Variants in FER observed in about 807,000 individuals in gnomAD.
FER encodes tyrosine-protein kinase Fer.
A neutral mutation model predicts 111.0 loss-of-function variants in FER; 63 were observed. The observed-to-expected ratio is 0.57, with a 90% CI of 0.46 to 0.70. FER has a LOEUF of 0.70. FER is among the 30% of genes least tolerant of loss of function. The pLI, the probability that FER is intolerant of heterozygous loss-of-function variation, is 0.00. For missense variants in FER, 914 were observed against 954.0 expected, an observed-to-expected ratio of 0.96 and a Z score of 0.55; for synonymous variants, 327 against 313.9, an observed-to-expected ratio of 1.04 and a Z score of -0.44.
chr5:108,991,592 A>T (rs1313970346), intron 13 of FER, among the ~76,000 whole-genome samples: 2 of 152,134 alleles, frequency 1.3e-5, no homozygotes, highest in Admixed American at 1.3e-4. Flanking sequence ...TTTGTGCAGA[A>T]TTTATAATCA....
intron 13 of FER, among the ~76,000 whole-genome samples, chr5:109,035,384 A>G (rs1011155969): frequency 1.3e-5 from 2 of 152,168 alleles, no homozygotes; most frequent in African/African-American, 4.8e-5. Context: ...ATGTAAATGG[A>G]ATTAGTATCT....
At chr5:108,964,271 A>G (rs1352260194) in intron 13 of FER, among the ~76,000 whole-genome samples, 4 of 152,150 alleles carry the variant, frequency 2.6e-5, no homozygotes, top group African/African-American at 9.7e-5. Context: ...GTGTGTGTGT[A>G]TGTGCATAGA....
Position 108,908,106 on chromosome 5 carries a change from A to C in FER, c.1236+10258A>C, listed in dbSNP as rs1001026416. Among the ~76,000 whole-genome samples, 7 of 152,236 alleles carry C rather than the reference A, an allele frequency of 4.6e-5. No individual in the cohort carries two copies. In the East Asian group the frequency reaches 1.4e-3, roughly 29 times the overall value. ...CATTTTTAGATTAACTGTTTACCTG[A>C]TAGAGGTAGTATTACCTGGCGTTCG... On this transcript the variant is annotated intron_variant, in intron 10 of 19. Coordinates refer to ENST00000281092, the MANE Select transcript of FER (RefSeq NM_005246.4).
intron 17 of FER, among the ~76,000 whole-genome samples, chr5:109,170,807 C>T (rs1188027578): frequency 6.6e-6 from 1 of 152,092 alleles, no homozygotes; most frequent in Non-Finnish European, 1.5e-5. Context: ...CTGCTGACAC[C>T]CACTGTTGTA....
intron 5 of FER, among the ~76,000 whole-genome samples, chr5:108,836,077 C>T (rs1466176611): frequency 3.3e-5 from 5 of 151,988 alleles, no homozygotes; most frequent in Admixed American, 2.6e-4. Flanking sequence ...AAAATTTTCT[C>T]TCTTGCATCA....
chr5:108,820,629 A>G (rs561204733), intron 3 of FER: 112 of 786,226 alleles, frequency 1.4e-4, no homozygotes, highest in Non-Finnish European at 1.7e-4. Flanking sequence ...GTGGTTCTCT[A>G]ACTTTTGAGA....
rs1759302823 is a variant in FER at position 109,190,449 on chromosome 5, T to C, written c.*2874T>C. On this transcript the variant is annotated 3_prime_UTR_variant, in exon 20 of 20. Transcript: ENST00000281092. ...GGGGGAGGTAAACACAAGCAGTCTG[T>C]GTCTCACTGGTCACTAAGGGGCCTT... The C allele has an allele frequency of 6.7e-6, 1 of 150,212 alleles. No homozygotes were observed. 9.3% of individuals were successfully genotyped at this position (150,212 alleles called of 1,614,324 possible).
chr5:109,059,460 G>A (rs936448989), intron 16 of FER, among the ~76,000 whole-genome samples: 10 of 152,164 alleles, frequency 6.6e-5, no homozygotes, highest in South Asian at 4.1e-4. Context: ...CCCGGGAGGC[G>A]GAGGTTGCAG....
intron 13 of FER, among the ~76,000 whole-genome samples, chr5:108,986,087 A>G (rs1423008853): frequency 2.0e-5 from 3 of 152,108 alleles, no homozygotes; most frequent in Non-Finnish European, 4.4e-5. Flanking sequence ...CACCACATCT[A>G]TGCCAACATG....
chr5:108,860,005 G>A (rs1172289945), intron 5 of FER, among the ~76,000 whole-genome samples: 1 of 150,786 alleles, frequency 6.6e-6, no homozygotes, highest in Non-Finnish European at 1.5e-5. Context: ...GCAGTTGTGC[G>A]ATCTCGGCTC....
chr5:108,840,016 A>C (rs1194199273), intron 5 of FER, among the ~76,000 whole-genome samples: 32 of 152,210 alleles, frequency 2.1e-4, no homozygotes, highest in Admixed American at 2.1e-3. Flanking sequence ...TTTAAAAAAA[A>C]ATTAAAACAA....
intron 17 of FER, among the ~76,000 whole-genome samples, chr5:109,109,862 A>G (rs1749389691): frequency 6.6e-6 from 1 of 152,140 alleles, no homozygotes; most frequent in Non-Finnish European, 1.5e-5. Flanking sequence ...TGAATCTGAG[A>G]TGCTCATTTT....
intron 8 of FER, among the ~76,000 whole-genome samples, chr5:108,882,561 C>T (rs991865866): frequency 2.6e-5 from 4 of 151,762 alleles, no homozygotes; most frequent in Non-Finnish European, 4.4e-5. Flanking sequence ...AGTTTTTCTG[C>T]ACGAAAAGGG....
chr5:109,055,361 G>A (rs990448625), intron 16 of FER, among the ~76,000 whole-genome samples: 4 of 152,134 alleles, frequency 2.6e-5, no homozygotes, highest in African/African-American at 9.7e-5. Flanking sequence ...GAAACAATCA[G>A]CAAAATGAAG....
At chr5:108,959,878 C>G (rs1758920439) in intron 13 of FER, among the ~76,000 whole-genome samples, 1 of 152,018 alleles carries the variant, frequency 6.6e-6, no homozygotes, top group Non-Finnish European at 1.5e-5. Flanking sequence ...CCTCTATGAT[C>G]TATCACAGAA....
At chr5:109,130,230 T>C (rs1272553369) in intron 17 of FER, among the ~76,000 whole-genome samples, 1 of 152,034 alleles carries the variant, frequency 6.6e-6, no homozygotes, top group Non-Finnish European at 1.5e-5. Context: ...AATGGAAAAT[T>C]TGGCATTTAA....
At position 109,180,873 on chromosome 5, in the gene FER, A is replaced by T; in HGVS notation, c.2175A>T (p.Lys725Asn). The change falls in exon 18 of 20, where the codon AAA becomes AAT. Residue 725 changes from lysine (K) to asparagine (N), a missense_variant. Lys to Asn is a moderately conservative substitution (Grantham distance 94). This residue lies in a region of FER where 134 missense variants were observed against 149.4 expected (regional missense o/e 0.90). Coordinates refer to ENST00000281092, the MANE Select transcript of FER (RefSeq NM_005246.4). ...CTGGCTTAAAGCAGATTCCCATTAA[A>T]TGGACAGCACCGGAAGCTCTTAATT... ...SSSGLKQIPI[K>N]WTAPEALNYG... The T allele has an allele frequency of 6.2e-7, 1 of 1,613,034 alleles. No individual in the cohort carries two copies. Among genetic ancestry groups the T allele is most frequent in the Non-Finnish European group, 8.5e-7 (1 of 1,179,532 alleles).
At chr5:108,798,735 C>T (rs1314245516) in intron 3 of FER, among the ~76,000 whole-genome samples, 3 of 152,084 alleles carry the variant, frequency 2.0e-5, no homozygotes, top group African/African-American at 7.2e-5. Context: ...GTAGTCCTAG[C>T]TACTTGGGAG....
chr5:109,130,083 T>C (rs1423032934), intron 17 of FER, among the ~76,000 whole-genome samples: 9 of 151,948 alleles, frequency 5.9e-5, no homozygotes, highest in Admixed American at 2.6e-4. Flanking sequence ...TTTATACTTA[T>C]GCTTCCTTTC....
Sources: gnomAD v4.1 joint callset for allele counts (sites outside exome capture counted in the v4.1 genomes callset) on GRCh38, gnomAD v4.1.1 for gene constraint, gnomAD v4.1.1 regional missense constraint, MANE v1.5 for transcripts, NCBI Gene and HGNC (gene_info 2026-07-23, HGNC 2026-07-21) for gene names.